NRCAM: variants seen among roughly 807,000 people sequenced by gnomAD.
The protein encoded by NRCAM is neuronal cell adhesion molecule, also known as NgCAM-related cell adhesion molecule.
Under a neutral mutation model 156.5 loss-of-function variants are expected in NRCAM, and 83 were observed. The ratio of observed to expected loss-of-function variants is 0.53; its 90% CI spans 0.44 to 0.64. NRCAM has a LOEUF of 0.64. NRCAM is among the 30% of genes least tolerant of loss of function. The pLI, the probability that NRCAM is intolerant of heterozygous loss-of-function variation, is 0.00. For synonymous variants in NRCAM, 538 were observed against 563.9 expected (o/e 0.95, Z 0.65); for missense variants, 1,417 against 1,597.3 (o/e 0.89, Z 1.92).
In NRCAM at chr7:108,234,588, G is replaced by A; in HGVS notation, c.225C>T (p.Pro75=). Residue 75 remains proline (P), a synonymous_variant, in exon 6 of 33, where the codon CCC becomes CCT. Coordinates refer to ENST00000379028, the MANE Select transcript of NRCAM (RefSeq NM_001037132.4). The part of the protein sequence containing the change: ...VIQCEAKGKP[P]PSFSWTRNGT... Reference sequence around the variant, plus strand: ...AAAGCAGAATGCACACTCACCTTGGGGGCGGTTTCCCTTTGGCTTCACACT... The same window carrying A: ...AAAGCAGAATGCACACTCACCTTGGAGGCGGTTTCCCTTTGGCTTCACACT... The A allele has an allele frequency of 1.3e-6, 2 of 1,588,764 alleles. No individual in the cohort carries two copies. The highest frequency in any genetic ancestry group is 1.7e-6 in the Non-Finnish European group (2 of 1,157,890).
chr7:108,443,531 G>C (rs1299522965), intron 1 of NRCAM, among the ~76,000 whole-genome samples: 1 of 152,104 alleles, frequency 6.6e-6, no homozygotes, highest in Non-Finnish European at 1.5e-5. Flanking sequence ...CTCATTCAAG[G>C]CTTTGCTTTC....
intron 17 of NRCAM, among the ~76,000 whole-genome samples, 153 bp from the exon 18 acceptor site, chr7:108,192,006 T>C (rs557065136): frequency 6.6e-6 from 1 of 152,338 alleles, no homozygotes; most frequent in Admixed American, 6.5e-5. Flanking sequence ...ACTTTAAGAA[T>C]GATTAAAGTT....
At chr7:108,327,706 A>C (rs2099084554) in intron 2 of NRCAM, among the ~76,000 whole-genome samples, 1 of 152,160 alleles carries the variant, frequency 6.6e-6, no homozygotes. Context: ...TTTTTTAAAA[A>C]ATGTGTCCTT....
intron 1 of NRCAM, among the ~76,000 whole-genome samples, chr7:108,431,772 G>C (rs759618980): frequency 6.6e-6 from 1 of 152,178 alleles, no homozygotes; most frequent in African/African-American, 2.4e-5. Flanking sequence ...GAAATAAAGC[G>C]AGATGCTGTC....
intron 2 of NRCAM, among the ~76,000 whole-genome samples, chr7:108,385,856 C>A (rs2099738983): frequency 7.2e-6 from 1 of 139,112 alleles, no homozygotes; most frequent in African/African-American, 2.7e-5. Flanking sequence ...GCAGTGGATC[C>A]ATTTAATCAA....
chr7:108,415,220 T>A (rs1800062139), intron 1 of NRCAM, among the ~76,000 whole-genome samples: 1 of 152,028 alleles, frequency 6.6e-6, no homozygotes, highest in Non-Finnish European at 1.5e-5. Context: ...ACAACAGGGG[T>A]ACCTTTCCTT....
intron 2 of NRCAM, among the ~76,000 whole-genome samples, chr7:108,340,958 G>A (rs952542261): frequency 4.6e-5 from 7 of 152,104 alleles, no homozygotes; most frequent in Middle Eastern, 3.2e-3. Context: ...CAAGACAAAC[G>A]GGATTTAAAA....
At chr7:108,167,181 A>G in intron 29 of NRCAM, 108 bp from the exon 30 acceptor site, 1 of 746,304 alleles carries the variant, frequency 1.3e-6, no homozygotes, top group Non-Finnish European at 2.2e-6. Flanking sequence ...AAGATGTAGG[A>G]TGCTTAGGTT....
chr7:108,338,151 C>T (rs963457969), intron 2 of NRCAM, among the ~76,000 whole-genome samples: 1 of 152,232 alleles, frequency 6.6e-6, no homozygotes, highest in Non-Finnish European at 1.5e-5. Context: ...CGGCAGTAGC[C>T]GGTTGAGATC....
At chr7:108,167,504 T>C (rs1225553315) in intron 29 of NRCAM, among the ~76,000 whole-genome samples, 1 of 152,202 alleles carries the variant, frequency 6.6e-6, no homozygotes, top group Non-Finnish European at 1.5e-5. Context: ...TTAAATGCCT[T>C]CCAACGTATC....
At chr7:108,182,575 G>A in intron 23 of NRCAM, 120 bp downstream of exon 23, 1 of 777,584 alleles carries the variant, frequency 1.3e-6, no homozygotes, top group Non-Finnish European at 2.1e-6. Flanking sequence ...TAAATTCAGA[G>A]AAGTCGTGCA....
chr7:108,228,450 G>C (rs567205602), intron 8 of NRCAM, among the ~76,000 whole-genome samples: 1 of 152,256 alleles, frequency 6.6e-6, no homozygotes, highest in East Asian at 1.9e-4. Context: ...GGTGTTGGCA[G>C]ACCAAATGTT....
upstream of NRCAM, chr7:108,456,523 TA>T (rs1857567657): frequency 6.6e-6 from 1 of 151,544 alleles, no homozygotes; most frequent in Non-Finnish European, 1.5e-5. Flanking sequence ...CGGCTCTCCT[TA>T]GCGTCCTCCC....
At chr7:108,166,458 G>A (rs186479667) in intron 30 of NRCAM, among the ~76,000 whole-genome samples, 2,417 of 152,034 alleles carry the variant, frequency 0.016, 26 homozygotes, top group Non-Finnish European at 0.025. Context: ...ATGTTGGCCA[G>A]GCTGGTCTCG....
In NRCAM at chr7:108,239,946, C is replaced by A. The variant is rs368872769; in HGVS notation, c.106+13G>T. 1.9e-6 allele frequency: 3 copies of A among 1,569,820 alleles called. No individual in the cohort carries two copies. The highest frequency in any genetic ancestry group is 2.6e-6 in the Non-Finnish European group (3 of 1,141,438). On this transcript the variant is annotated intron_variant, in intron 4 of 32. Coordinates refer to ENST00000379028, the MANE Select transcript of NRCAM (RefSeq NM_001037132.4). ...ACTCCTGGGCCTAACAGCTTTAAAA[C>A]GTTAATACTTACGATCAAGAGGTAC...
chr7:108,318,180 G>A (rs1272763469), intron 2 of NRCAM, among the ~76,000 whole-genome samples: 1 of 150,492 alleles, frequency 6.6e-6, no homozygotes, highest in African/African-American at 2.4e-5. Flanking sequence ...CGAGTAGCTG[G>A]GACTATAGGC....
chr7:108,445,904 A>C (rs1031613582), intron 1 of NRCAM, among the ~76,000 whole-genome samples: 12 of 152,228 alleles, frequency 7.9e-5, no homozygotes, highest in African/African-American at 2.9e-4. Context: ...TTAAAGCTAC[A>C]GCATGAGAGC....
Position 108,195,855 on chromosome 7 carries a change from G to C in NRCAM, c.1369C>G (p.Leu457Val). Reference protein sequence around the residue: ...VNVLAEPPRILTPANTLYQVI... With the variant: ...VNVLAEPPRIVTPANTLYQVI... ...TGGTAGAGTGTGTTTGCAGGTGTGA[G>C]GATTCGTGGTGGCTCAGCTACAAAT... The change falls in exon 15 of 33, where the codon CTC becomes GTC. Residue 457 changes from leucine to valine, a missense_variant. Physicochemically the swap from Leu to Val is conservative, Grantham distance 32. Transcript: ENST00000379028. 7 of 1,611,482 alleles carry C rather than the reference G, an allele frequency of 4.3e-6. No individual in the cohort carries two copies. The highest frequency in any genetic ancestry group is 5.9e-6 in the Non-Finnish European group (7 of 1,177,806).
chr7:108,207,769 G>T, intron 12 of NRCAM, 110 bp from the exon 13 acceptor site: 1 of 812,326 alleles, frequency 1.2e-6, no homozygotes, highest in Non-Finnish European at 1.8e-6. Flanking sequence ...CACTAAATTA[G>T]TCTCATTTTT....
Sources: allele counts gnomAD v4.1 joint callset (sites outside exome capture counted in the v4.1 genomes callset), GRCh38; gene constraint gnomAD v4.1.1; transcripts MANE v1.5; gene names NCBI Gene and HGNC (gene_info 2026-07-23, HGNC 2026-07-21).